The following KCNIP1 variants were observed in gnomAD, a reference collection of about 807,000 sequenced individuals.
KCNIP1 encodes potassium voltage-gated channel interacting protein 1.
Under a neutral mutation model 33.0 loss-of-function variants are expected in KCNIP1, and 18 were observed. The ratio of observed to expected loss-of-function variants is 0.55; its 90% CI spans 0.38 to 0.81. The LOEUF (loss-of-function observed/expected upper bound fraction) is 0.81, where lower values mean the gene tolerates loss of function less well. Ranked by LOEUF, KCNIP1 falls within the 30% of genes least tolerant of loss-of-function variation. The pLI is 0.00. For missense variants in KCNIP1, 238 were observed against 271.6 expected, an observed-to-expected ratio of 0.88 and a Z score of 0.87; for synonymous variants, 93 against 98.3, an observed-to-expected ratio of 0.95 and a Z score of 0.32.
intron 1 of KCNIP1, among the ~76,000 whole-genome samples, chr5:170,446,276 G>T (rs1262650660): frequency 6.6e-6 from 1 of 152,202 alleles, no homozygotes; most frequent in Non-Finnish European, 1.5e-5. Flanking sequence ...CTATTGAGTA[G>T]TGCAGTGAGA....
intron 1 of KCNIP1, among the ~76,000 whole-genome samples, chr5:170,467,655 C>G (rs144305756): frequency 2.6e-5 from 4 of 152,080 alleles, no homozygotes; most frequent in Non-Finnish European, 5.9e-5. Flanking sequence ...CGGTGGCTCA[C>G]GCCTGTAATC....
chr5:170,394,327 G>A (rs1339942417), intron 1 of KCNIP1, among the ~76,000 whole-genome samples: 2 of 152,140 alleles, frequency 1.3e-5, no homozygotes, highest in Non-Finnish European at 2.9e-5. Flanking sequence ...TTATTCATGT[G>A]CATCCTCCAT....
At chr5:170,711,795 C>G (rs1259166703) in intron 1 of KCNIP1, among the ~76,000 whole-genome samples, 1 of 152,182 alleles carries the variant, frequency 6.6e-6, no homozygotes, top group African/African-American at 2.4e-5. Context: ...CTAAATCCAG[C>G]AAAGTAAGTG....
At chr5:170,436,120 T>C (rs1755857460) in intron 1 of KCNIP1, among the ~76,000 whole-genome samples, 1 of 152,090 alleles carries the variant, frequency 6.6e-6, no homozygotes, top group African/African-American at 2.4e-5. Context: ...CATTTACCTT[T>C]CCATAAGTTC....
chr5:170,663,274 C>T (rs1206256735), intron 1 of KCNIP1, among the ~76,000 whole-genome samples: 1 of 152,128 alleles, frequency 6.6e-6, no homozygotes, highest in Non-Finnish European at 1.5e-5. Flanking sequence ...CTTTAAAGTC[C>T]CAGCCTTTAA....
At chr5:170,360,641 C>T (rs1212881597) in intron 1 of KCNIP1, among the ~76,000 whole-genome samples, 3 of 152,216 alleles carry the variant, frequency 2.0e-5, no homozygotes, top group African/African-American at 7.2e-5. Context: ...TCCCCCCTGC[C>T]CCCAGTCACT....
chr5:170,479,140 G>A (rs908312033), intron 1 of KCNIP1, among the ~76,000 whole-genome samples: 3 of 152,212 alleles, frequency 2.0e-5, no homozygotes, highest in African/African-American at 7.2e-5. Context: ...TCACTAGCTG[G>A]AGGCGCTGAG....
chr5:170,719,612 T>C (rs1469535657), intron 2 of KCNIP1, among the ~76,000 whole-genome samples: 8 of 152,156 alleles, frequency 5.3e-5, no homozygotes, highest in Admixed American at 5.2e-4. Flanking sequence ...CCAGGTGCAG[T>C]CTGTAGGTAG....
intron 1 of KCNIP1, among the ~76,000 whole-genome samples, chr5:170,384,045 A>G (rs1436486657): frequency 6.6e-6 from 1 of 152,174 alleles, no homozygotes; most frequent in Non-Finnish European, 1.5e-5. Flanking sequence ...TAGAAGCTGG[A>G]TGGGGTCTTA....
At chr5:170,679,281 T>C (rs915778186) in intron 1 of KCNIP1, 13 of 152,182 alleles carry the variant, frequency 8.5e-5, no homozygotes, top group African/African-American at 3.1e-4. Context: ...AACAATTAGT[T>C]TTCATGAGAT....
intron 1 of KCNIP1, among the ~76,000 whole-genome samples, chr5:170,385,747 C>T (rs1045832396): frequency 3.3e-5 from 5 of 151,892 alleles, no homozygotes; most frequent in African/African-American, 7.3e-5. Context: ...AATGGCCCCC[C>T]AAGATGTCTA....
intron 1 of KCNIP1, among the ~76,000 whole-genome samples, chr5:170,563,830 G>A (rs1581330948): frequency 6.6e-6 from 1 of 152,274 alleles, no homozygotes; most frequent in East Asian, 1.9e-4. Context: ...AGTAGAGACA[G>A]GGTTTCTCCA....
chr5:170,368,924 C>G (rs1763773664), intron 1 of KCNIP1, among the ~76,000 whole-genome samples: 1 of 152,186 alleles, frequency 6.6e-6, no homozygotes, highest in Non-Finnish European at 1.5e-5. Context: ...CAGCCTAACT[C>G]TCAAATGGTT....
chr5:170,705,224 T>C (rs2113843544), intron 1 of KCNIP1, among the ~76,000 whole-genome samples: 1 of 152,346 alleles, frequency 6.6e-6, no homozygotes, highest in Non-Finnish European at 1.5e-5. Context: ...TCAAGGTGTG[T>C]CTGCCAAGGC....
chr5:170,563,319 T>G (rs1383925109), intron 1 of KCNIP1, among the ~76,000 whole-genome samples: 1 of 152,128 alleles, frequency 6.6e-6, no homozygotes, highest in Non-Finnish European at 1.5e-5. Flanking sequence ...AGTTGCTCAG[T>G]TTATTGGAAT....
chr5:170,439,333 T>C (rs932272225), intron 1 of KCNIP1, among the ~76,000 whole-genome samples: 4 of 152,202 alleles, frequency 2.6e-5, no homozygotes, highest in African/African-American at 4.8e-5. Context: ...GAAGCATTTA[T>C]GAAGCTCAGC....
chr5:170,638,191 C>T (rs535212234), intron 1 of KCNIP1, among the ~76,000 whole-genome samples: 1 of 152,216 alleles, frequency 6.6e-6, no homozygotes, highest in African/African-American at 2.4e-5. Context: ...CAACAGCCTG[C>T]TCAAGGAGAT....
At chr5:170,399,817 C>T (rs991204997) in intron 1 of KCNIP1, among the ~76,000 whole-genome samples, 1 of 152,096 alleles carries the variant, frequency 6.6e-6, no homozygotes, top group African/African-American at 2.4e-5. Flanking sequence ...AGCTATTTTC[C>T]AGGTTTTGCT....
At chr5:170,398,733 G>A (rs771614765) in intron 1 of KCNIP1, among the ~76,000 whole-genome samples, 3 of 152,340 alleles carry the variant, frequency 2.0e-5, no homozygotes, top group East Asian at 1.9e-4. Flanking sequence ...GGTCAGGACC[G>A]GCTCCAGGGG....
Sources: gnomAD v4.1 joint callset for allele counts (sites outside exome capture counted in the v4.1 genomes callset) on GRCh38, gnomAD v4.1.1 for gene constraint, MANE v1.5 for transcripts, NCBI Gene and HGNC (gene_info 2026-07-23, HGNC 2026-07-21) for gene names.